The following ELAVL2 variants were observed in gnomAD, a reference collection of about 807,000 sequenced individuals.
ELAVL2 encodes ELAV like RNA binding protein 2.
Under a neutral mutation model 34.6 loss-of-function variants are expected in ELAVL2, and 4 were observed. The ratio of observed to expected loss-of-function variants is 0.12; its 90% CI spans 0.06 to 0.26. ELAVL2 has a LOEUF of 0.26. ELAVL2 is among the 10% of genes least tolerant of loss of function. The pLI, the probability that ELAVL2 is intolerant of heterozygous loss-of-function variation, is 1.00. For missense variants in ELAVL2, 432 were observed against 442.8 expected, an observed-to-expected ratio of 0.98 and a Z score of 0.22; for synonymous variants, 193 against 154.8, an observed-to-expected ratio of 1.25 and a Z score of -1.83.
At chr9:23,775,925 ACT>A (rs879310680) in intron 1 of ELAVL2, among the ~76,000 whole-genome samples, 3 of 152,172 alleles carry the variant, frequency 2.0e-5, no homozygotes, top group Admixed American at 1.3e-4. Context: ...GGACCAGATA[ACT>A]CTGTGTGCTC....
intron 1 of ELAVL2, among the ~76,000 whole-genome samples, chr9:23,777,960 A>C (rs1023070094): frequency 1.3e-5 from 1 of 79,750 alleles, no homozygotes; most frequent in African/African-American, 5.3e-5. Context: ...TGGCCAACAT[A>C]AACAGCAGCA....
chr9:23,750,096 G>A (rs555864936), intron 2 of ELAVL2, among the ~76,000 whole-genome samples: 1 of 150,236 alleles, frequency 6.7e-6, no homozygotes, highest in Non-Finnish European at 1.5e-5. Context: ...AAGAATATTA[G>A]ACATCCTCCT....
intron 1 of ELAVL2, among the ~76,000 whole-genome samples, chr9:23,769,728 G>C (rs1039858467): frequency 6.6e-5 from 10 of 152,168 alleles, no homozygotes; most frequent in African/African-American, 2.2e-4. Context: ...AACTTGCAGA[G>C]ACAATGCACT....
chr9:23,812,971 G>C (rs2063210528), intron 1 of ELAVL2, among the ~76,000 whole-genome samples: 4 of 152,088 alleles, frequency 2.6e-5, no homozygotes, highest in Admixed American at 2.6e-4. Flanking sequence ...TGATACAACA[G>C]ATCTTCATAT....
At chr9:23,793,851 A>T (rs2060602477) in intron 1 of ELAVL2, among the ~76,000 whole-genome samples, 1 of 152,138 alleles carries the variant, frequency 6.6e-6, no homozygotes, top group Non-Finnish European at 1.5e-5. Context: ...GTTCCAATTT[A>T]CACGCATGCT....
At chr9:23,816,317 T>TAAAAAAA (rs10717104) in intron 1 of ELAVL2, among the ~76,000 whole-genome samples, 1 of 44,704 alleles carries the variant, frequency 2.2e-5, no homozygotes, top group African/African-American at 9.2e-5. Context: ...AAGCTTTCAG[T>TAAAAAAA]AAAAAAAAAA....
At chr9:23,765,202 G>A (rs1034628297) in intron 1 of ELAVL2, 40 of 1,002,376 alleles carry the variant, frequency 4.0e-5, no homozygotes, top group Admixed American at 5.7e-5. Context: ...TTCCCAGCAC[G>A]TCCATGCAGT....
chr9:23,756,987 G>A (rs954849462), intron 2 of ELAVL2, among the ~76,000 whole-genome samples: 2 of 152,074 alleles, frequency 1.3e-5, no homozygotes, highest in African/African-American at 4.8e-5. Flanking sequence ...GACACAGTCT[G>A]ATTCCCAAAA....
intron 2 of ELAVL2, among the ~76,000 whole-genome samples, chr9:23,732,309 AGAAG>A (rs1453637965): frequency 2.6e-5 from 4 of 152,222 alleles, no homozygotes; most frequent in Non-Finnish European, 5.9e-5. Flanking sequence ...AAACGAAAAG[AGAAG>A]GCTAAATACA....
chr9:23,789,021 A>C (rs573242878), intron 1 of ELAVL2, among the ~76,000 whole-genome samples: 7 of 152,324 alleles, frequency 4.6e-5, no homozygotes, highest in Non-Finnish European at 8.8e-5. Context: ...ATCCAAGCAA[A>C]AGAAAAGAGA....
chr9:23,779,156 A>T, intron 1 of ELAVL2: 2 of 981,094 alleles, frequency 2.0e-6, no homozygotes, highest in Non-Finnish European at 2.4e-6. Context: ...AAACTGTCTC[A>T]TGACAAACCA....
intron 5 of ELAVL2, among the ~76,000 whole-genome samples, chr9:23,698,980 G>C (rs1393040546): frequency 6.6e-6 from 1 of 152,176 alleles, no homozygotes; most frequent in Non-Finnish European, 1.5e-5. Flanking sequence ...AATCTGAAGA[G>C]AGAATAACAA....
intron 5 of ELAVL2, among the ~76,000 whole-genome samples, chr9:23,699,236 T>C (rs1170791249): frequency 6.6e-6 from 1 of 152,084 alleles, no homozygotes; most frequent in Non-Finnish European, 1.5e-5. Context: ...GGAGGCTAGG[T>C]AAACCTAAGG....
rs191123978 is a variant in ELAVL2, at chr9:23,713,467, A to G, written c.334-8396T>C. ...TTCCATTTCCAATCCTGTATATTTC[A>G]CTTAGCCTTTTCAGACTTTAGAAGG... On this transcript the variant is annotated intron_variant, in intron 3 of 6. Transcript: ENST00000397312. 8.6e-3 allele frequency among the ~76,000 whole-genome samples: 1,310 copies of G among 152,172 alleles called. 22 individuals are homozygous for G. The highest frequency in any genetic ancestry group is 0.03 in the African/African-American group (1,258 of 41,520).
At chr9:23,742,316 G>C (rs189343909) in intron 2 of ELAVL2, among the ~76,000 whole-genome samples, 29 of 152,176 alleles carry the variant, frequency 1.9e-4, no homozygotes, top group Non-Finnish European at 3.2e-4. Context: ...AGTGGACAAA[G>C]TGTTAATAAC....
At chr9:23,831,872 T>TG in the ELAVL2 span, among the ~76,000 whole-genome samples, 1 of 151,636 alleles carries the variant, frequency 6.6e-6, no homozygotes, top group African/African-American at 2.4e-5. Context: ...AAAAATTATT[T>TG]GGGGAAGGGA....
At chr9:23,696,499 C>T (rs1027813414) in intron 5 of ELAVL2, among the ~76,000 whole-genome samples, 41 of 152,198 alleles carry the variant, frequency 2.7e-4, no homozygotes, top group African/African-American at 7.2e-4. Context: ...GACGAAGTCT[C>T]GCTCTGTCAC....
At chr9:23,698,278 T>C (rs1255980816) in intron 5 of ELAVL2, among the ~76,000 whole-genome samples, 1 of 152,196 alleles carries the variant, frequency 6.6e-6, no homozygotes, top group South Asian at 2.1e-4. Flanking sequence ...TCCATCCAAA[T>C]AAATAAGGCT....
the ELAVL2 span, among the ~76,000 whole-genome samples, chr9:23,839,397 C>T: frequency 1.3e-5 from 2 of 152,060 alleles, no homozygotes; most frequent in East Asian, 1.9e-4. Flanking sequence ...AACATGACTG[C>T]GGCAATCAAT....
Sources: gnomAD v4.1 joint callset for allele counts (sites outside exome capture counted in the v4.1 genomes callset) on GRCh38, gnomAD v4.1.1 for gene constraint, MANE v1.5 for transcripts, NCBI Gene and HGNC (gene_info 2026-07-23, HGNC 2026-07-21) for gene names.